SERPINB7: variants seen among roughly 807,000 people sequenced by gnomAD.
SERPINB7 encodes serpin B7.
Under a neutral mutation model 37.4 loss-of-function variants are expected in SERPINB7, and 31 were observed. The observed-to-expected ratio is 0.83, with a 90% CI of 0.62 to 1.12. SERPINB7 has a LOEUF of 1.12. Ranked by LOEUF, SERPINB7 falls within the 50% of genes most tolerant of loss-of-function variation. SERPINB7 has a pLI of 0.00. For synonymous variants in SERPINB7, 163 were observed against 166.1 expected (o/e 0.98, Z 0.14); for missense variants, 521 against 455.3 (o/e 1.14, Z -1.31).
intron 1 of SERPINB7, among the ~76,000 whole-genome samples, chr18:63,776,453 T>C (rs1176741788): frequency 6.6e-6 from 1 of 151,752 alleles, no homozygotes; most frequent in African/African-American, 2.4e-5. Flanking sequence ...TCGTGCCTGA[T>C]TTATTTGCCT....
chr18:63,800,399 T>C (rs1044134733), intron 6 of SERPINB7, among the ~76,000 whole-genome samples: 18 of 152,108 alleles, frequency 1.2e-4, no homozygotes, highest in African/African-American at 4.1e-4. Flanking sequence ...GTCTGTGTTT[T>C]ACTTCTGAGA....
upstream of SERPINB7, among the ~76,000 whole-genome samples, chr18:63,771,115 G>A (rs2049208708): frequency 6.6e-6 from 1 of 152,040 alleles, no homozygotes; most frequent in South Asian, 2.1e-4. Flanking sequence ...GTACAAGAAA[G>A]TAAGAGACAA....
chr18:63,785,241 C>T (rs1003363220), intron 2 of SERPINB7, among the ~76,000 whole-genome samples: 10 of 152,312 alleles, frequency 6.6e-5, no homozygotes, highest in South Asian at 4.1e-4. Context: ...TTACTACACT[C>T]GACCCTTGTC....
chr18:63,804,758 G>A lies in SERPINB7; in HGVS notation c.*123G>A. On this transcript the variant is annotated 3_prime_UTR_variant, in exon 8 of 8. Coordinates refer to ENST00000398019, the MANE Select transcript of SERPINB7 (RefSeq NM_003784.4). The stretch of plus-strand genomic sequence containing the variant: ...TTGAGTTTATTTCTTCCTAACATTG[G>A]TCAGCAGATGACACTGGTGACTTGA... The A allele has an allele frequency of 9.8e-7, 1 of 1,018,220 alleles. No individual in the cohort carries two copies. Among genetic ancestry groups the A allele is most frequent in the Non-Finnish European group, 1.4e-6 (1 of 707,148 alleles). 63.1% of individuals were successfully genotyped at this position (1,018,220 alleles called of 1,614,324 possible).
intron 1 of SERPINB7, among the ~76,000 whole-genome samples, chr18:63,762,083 T>A (rs1004756310): frequency 9.9e-5 from 15 of 152,170 alleles, no homozygotes; most frequent in African/African-American, 3.4e-4. Context: ...CGTAATTGCT[T>A]GTGAGTTGTT....
At chr18:63,770,758 A>G (rs1160068986), upstream of SERPINB7, among the ~76,000 whole-genome samples, 1 of 151,994 alleles carries the variant, frequency 6.6e-6, no homozygotes, top group Non-Finnish European at 1.5e-5. Context: ...GGCATTTGAG[A>G]TGAATGTGTT....
chr18:63,802,115 A>G (rs1038067160), intron 7 of SERPINB7, among the ~76,000 whole-genome samples: 4 of 152,220 alleles, frequency 2.6e-5, no homozygotes, highest in African/African-American at 4.8e-5. Flanking sequence ...CAAGTCAACT[A>G]TGTCAGATTT....
chr18:63,764,306 G>C (rs954065236), intron 1 of SERPINB7, among the ~76,000 whole-genome samples: 2 of 152,206 alleles, frequency 1.3e-5, no homozygotes, highest in Non-Finnish European at 2.9e-5. Context: ...CCCAATTACT[G>C]TGTCTGGGGA....
At chr18:63,795,268 A>G (rs984371071) in intron 4 of SERPINB7, among the ~76,000 whole-genome samples, 3 of 152,190 alleles carry the variant, frequency 2.0e-5, no homozygotes, top group African/African-American at 7.2e-5. Context: ...ACTGTTAGGA[A>G]ATGTAGGTGG....
Position 63,804,512 on chromosome 18 carries a change from A to G in SERPINB7, c.1020A>G (p.Thr340=), listed in dbSNP as rs986020236. 1.2e-6 allele frequency: 2 copies of G among 1,613,836 alleles called. No individual in the cohort carries two copies. The highest frequency in any genetic ancestry group is 1.7e-6 in the Non-Finnish European group (2 of 1,179,880). The change falls in exon 8 of 8, where the codon ACA becomes ACG. Residue 340 remains threonine (T), a synonymous_variant. Coordinates refer to ENST00000398019, the MANE Select transcript of SERPINB7 (RefSeq NM_003784.4). ...TEEGTEATAA[T]GSNIVEKQLP... ...AGGGCACCGAGGCTACTGCTGCCACAGGAAGTAATATTGTAGAAAAGCAAC... is the reference window on the plus strand; with the variant it reads ...AGGGCACCGAGGCTACTGCTGCCACGGGAAGTAATATTGTAGAAAAGCAAC...
At chr18:63,770,363 C>A (rs940202867) in intron 1 of SERPINB7, among the ~76,000 whole-genome samples, 2 of 151,772 alleles carry the variant, frequency 1.3e-5, no homozygotes, top group Non-Finnish European at 2.9e-5. Flanking sequence ...AGATTCCTGG[C>A]CAGTCTTCCT....
At chr18:63,769,918 C>T (rs1211902380) in intron 1 of SERPINB7, among the ~76,000 whole-genome samples, 1 of 151,530 alleles carries the variant, frequency 6.6e-6, no homozygotes, top group Non-Finnish European at 1.5e-5. Flanking sequence ...CTAGTGTCTA[C>T]TTTCTTCAGG....
intron 1 of SERPINB7, among the ~76,000 whole-genome samples, chr18:63,763,725 CT>C (rs2049166289): frequency 6.6e-6 from 1 of 152,150 alleles, no homozygotes; most frequent in South Asian, 2.1e-4. Context: ...TCACTGGTGC[CT>C]TTGACTTGGG....
chr18:63,766,714 G>T (rs1032955080), intron 1 of SERPINB7, among the ~76,000 whole-genome samples: 5 of 152,116 alleles, frequency 3.3e-5, no homozygotes, highest in East Asian at 1.9e-4. Context: ...AACTTAAAAA[G>T]ATATATCTAT....
chr18:63,766,847 T>C (rs2049183437), intron 1 of SERPINB7, among the ~76,000 whole-genome samples: 1 of 152,190 alleles, frequency 6.6e-6, no homozygotes, highest in African/African-American at 2.4e-5. Flanking sequence ...CAATTCCCTC[T>C]AGTCATCTGC....
chr18:63,759,674 C>T (rs914728934), intron 1 of SERPINB7, among the ~76,000 whole-genome samples: 13 of 152,134 alleles, frequency 8.5e-5, no homozygotes, highest in Admixed American at 7.2e-4. Flanking sequence ...TCCCAGAATT[C>T]CCATGTGTTG....
chr18:63,793,396 T>C, intron 4 of SERPINB7, 119 bp downstream of exon 4: 1 of 527,696 alleles, frequency 1.9e-6, no homozygotes, highest in Admixed American at 3.2e-5. Context: ...TTGCTACTTA[T>C]TATGTTCTCA....
At chr18:63,767,419 A>C (rs1006358413) in intron 1 of SERPINB7, among the ~76,000 whole-genome samples, 5 of 152,162 alleles carry the variant, frequency 3.3e-5, no homozygotes, top group Non-Finnish European at 2.9e-5. Context: ...TTCCCAGATC[A>C]ATCTGTTGAT....
At chr18:63,789,838 C>G (rs2049408882) in intron 2 of SERPINB7, among the ~76,000 whole-genome samples, 1 of 152,174 alleles carries the variant, frequency 6.6e-6, no homozygotes. Context: ...TTCTTATAGA[C>G]TGATATGACA....
Sources: gnomAD v4.1 joint callset for allele counts (sites outside exome capture counted in the v4.1 genomes callset) on GRCh38, gnomAD v4.1.1 for gene constraint, MANE v1.5 for transcripts, NCBI Gene and HGNC (gene_info 2026-07-23, HGNC 2026-07-21) for gene names.